Variants in FER1L6 observed in about 807,000 individuals in gnomAD.
FER1L6 encodes the protein fer-1-like protein 6.
In FER1L6, 177 loss-of-function variants were observed where a neutral mutation model predicts 219.2. That is an observed-to-expected ratio of 0.81 (90% CI 0.71 to 0.91). The LOEUF is 0.91. Among genes scored for constraint, FER1L6 ranks in the 40% least tolerant of loss-of-function variants. The pLI is 0.00. For missense variants in FER1L6, 2,153 were observed against 2,259.9 expected (o/e 0.95, Z 0.96); for synonymous variants, 768 against 824.3 (o/e 0.93, Z 1.17).
rs532641464 is a variant in FER1L6 at position 123,948,273 on chromosome 8, T to G, written c.-7-7719T>G. ...TTGCATAATTAGCATGTGGCTGTAC[T>G]GATTCTCAAAGCCAGGGCTTTCAAT... is the stretch of plus-strand genomic sequence containing the variant. On this transcript the variant is annotated intron_variant, in intron 1 of 40. Transcript: ENST00000522917. Among the ~76,000 whole-genome samples the G allele has an allele frequency of 8.5e-5, 13 of 152,368 alleles. 1 individual carries two copies. The South Asian group carries it at 2.5e-3, about 29-fold the overall frequency.
At chr8:123,873,759 A>T (rs960222039) in intron 1 of FER1L6, among the ~76,000 whole-genome samples, 1 of 152,122 alleles carries the variant, frequency 6.6e-6, no homozygotes, top group Admixed American at 6.6e-5. Flanking sequence ...CTTCTGTTCT[A>T]CCACAGCATT....
intron 1 of FER1L6, among the ~76,000 whole-genome samples, chr8:123,899,823 TC>T (rs1249367030): frequency 2.0e-5 from 3 of 152,200 alleles, no homozygotes; most frequent in Admixed American, 2.0e-4. Context: ...TGGGTTTATT[TC>T]CGAGTTCTCT....
At chr8:123,946,727 C>T (rs940510539) in intron 1 of FER1L6, among the ~76,000 whole-genome samples, 1 of 152,164 alleles carries the variant, frequency 6.6e-6, no homozygotes. Flanking sequence ...CTCTCTTCCT[C>T]CCACATCTGA....
rs1554608009 is a variant in FER1L6, at chr8:123,856,316, GTATATATATATATATA to G, written c.-8+4149_-8+4164del. On this transcript the variant is annotated intron_variant, in intron 1 of 40. Transcript: ENST00000522917. ...TGTATATATATATATATATGTATGT[GTATATATATATATATA>G]TATATATATATATATATTAGGGTCC... 5.9e-3 allele frequency among the ~76,000 whole-genome samples: 265 copies of G among 45,092 alleles called. 38 individuals carry two copies. Among genetic ancestry groups the G allele is most frequent in the African/African-American group, 0.019 (216 of 11,514 alleles). 29.6% of individuals were successfully genotyped at this position (45,092 alleles called of 152,430 possible).
intron 10 of FER1L6, 73 bp from the exon 11 acceptor site, chr8:123,980,391 AT>A: frequency 1.6e-6 from 2 of 1,216,406 alleles, no homozygotes; most frequent in Non-Finnish European, 2.3e-6. Context: ...GATATTCTAC[AT>A]TTTGAAATGA....
chr8:124,087,365 C>A (rs932627085), intron 33 of FER1L6, among the ~76,000 whole-genome samples: 3 of 152,072 alleles, frequency 2.0e-5, no homozygotes, highest in African/African-American at 4.8e-5. Context: ...TGTTAAGAGA[C>A]TGGTGCATTC....
At position 124,111,478 on chromosome 8, in the gene FER1L6, A is replaced by T. The variant is rs1823021559; in HGVS notation, c.5290-7366A>T. Among the ~76,000 whole-genome samples the T allele has an allele frequency of 6.6e-6, 1 of 152,190 alleles. No homozygotes were observed. Among genetic ancestry groups the T allele is most frequent in the African/African-American group, 2.4e-5 (1 of 41,454 alleles). ...AGAGGGCTCTTGCATCTTGGGCAAG[A>T]AGGAATTCAGGGCAAGTCTGTAAAG... is the stretch of plus-strand genomic sequence containing the variant. On this transcript the variant is annotated intron_variant, in intron 39 of 40. Transcript: ENST00000522917. This position sits in a 1 kb window ranked among gnomAD's most constrained non-coding sequence, Gnocchi z 5.0.
intron 34 of FER1L6, among the ~76,000 whole-genome samples, chr8:124,093,064 T>C (rs1185570221): frequency 6.6e-6 from 1 of 152,100 alleles, no homozygotes; most frequent in African/African-American, 2.4e-5. Flanking sequence ...CCTCAGGTGA[T>C]CTGCCCGCCT....
chr8:123,946,081 G>A (rs1402915953), intron 1 of FER1L6, among the ~76,000 whole-genome samples: 1 of 152,164 alleles, frequency 6.6e-6, no homozygotes, highest in Non-Finnish European at 1.5e-5. Context: ...TTGTAGGGGT[G>A]TTCATGCTTG....
intron 18 of FER1L6, among the ~76,000 whole-genome samples, chr8:124,033,704 C>T (rs1819073091): frequency 6.6e-6 from 1 of 152,328 alleles, no homozygotes; most frequent in Middle Eastern, 3.4e-3. Context: ...GCTCATATTA[C>T]CTAAATCTTT....
chr8:123,955,446 G>T (rs928821044), intron 1 of FER1L6, among the ~76,000 whole-genome samples: 12 of 152,206 alleles, frequency 7.9e-5, no homozygotes, highest in African/African-American at 2.7e-4. Flanking sequence ...GAGAGCCCAG[G>T]TCTGGTGATG....
chr8:124,098,099 T>C (rs1822388971), intron 37 of FER1L6, among the ~76,000 whole-genome samples: 1 of 152,218 alleles, frequency 6.6e-6, no homozygotes, highest in Admixed American at 6.5e-5. Flanking sequence ...GGAAATCTTA[T>C]TACATATACA....
At chr8:123,942,457 C>T (rs962689172) in intron 1 of FER1L6, among the ~76,000 whole-genome samples, 1 of 152,224 alleles carries the variant, frequency 6.6e-6, no homozygotes, top group Non-Finnish European at 1.5e-5. Context: ...TGGCCATGTG[C>T]CACAAACATG....
chr8:123,986,398 G>T (rs1816587895), intron 12 of FER1L6, among the ~76,000 whole-genome samples: 1 of 152,096 alleles, frequency 6.6e-6, no homozygotes, highest in African/African-American at 2.4e-5. Flanking sequence ...CACAGTAGGT[G>T]TATATATTTA....
intron 13 of FER1L6, among the ~76,000 whole-genome samples, chr8:124,007,861 C>T (rs1025255746): frequency 3.3e-5 from 5 of 152,060 alleles, no homozygotes; most frequent in Non-Finnish European, 7.3e-5. Context: ...GGCCTTTACC[C>T]TCATTGATAG....
chr8:124,027,311 T>C (rs192459993), intron 18 of FER1L6, among the ~76,000 whole-genome samples: 205 of 152,320 alleles, frequency 1.3e-3, no homozygotes, highest in Admixed American at 2.4e-3. Flanking sequence ...AATTTAACAT[T>C]CTTCAACTTT....
At chr8:124,108,888 A>G (rs1822892347) in intron 39 of FER1L6, among the ~76,000 whole-genome samples, 1 of 152,052 alleles carries the variant, frequency 6.6e-6, no homozygotes, top group Non-Finnish European at 1.5e-5. Flanking sequence ...TATAGAAAAA[A>G]GGAAAGAAAA....
At position 124,023,446 on chromosome 8, in the gene FER1L6, C is replaced by G. The variant is rs1479041051; in HGVS notation, c.2136C>G (p.Pro712=). The part of the protein sequence containing the change: ...VEKIRFLVDE[P]QHTIPDVFIW... ...CCCAACTCCCTCTATTCCCACAGCC[C>G]CAGCACACTATCCCTGACGTTTTCA... The change falls in exon 18 of 41, where the codon CCC becomes CCG. Residue 712 remains proline (P), a splice_region_variant and synonymous_variant. Coordinates refer to ENST00000522917, the MANE Select transcript of FER1L6 (RefSeq NM_001039112.2). 6.2e-7 allele frequency: 1 copy of G among 1,613,910 alleles called. No homozygotes were observed. Among genetic ancestry groups the G allele is most frequent in the Admixed American group, 1.7e-5 (1 of 60,008 alleles).
At chr8:123,923,581 A>C (rs1354381263) in intron 1 of FER1L6, among the ~76,000 whole-genome samples, 2 of 152,210 alleles carry the variant, frequency 1.3e-5, no homozygotes, top group Non-Finnish European at 2.9e-5. Flanking sequence ...ATTTAAGCAT[A>C]GTGATGATGT....
Sources: allele counts gnomAD v4.1 joint callset (sites outside exome capture counted in the v4.1 genomes callset), GRCh38; gene constraint gnomAD v4.1.1; non-coding constraint Gnocchi (gnomAD v3.1); transcripts MANE v1.5; gene names NCBI Gene and HGNC (gene_info 2026-07-23, HGNC 2026-07-21).